The following COL14A1 variants were observed in gnomAD, a reference collection of about 807,000 sequenced individuals.
COL14A1 encodes collagen alpha-1(XIV) chain.
In COL14A1, 136 loss-of-function variants were observed where a neutral mutation model predicts 230.3. The observed-to-expected ratio is 0.59, with a 90% CI of 0.51 to 0.68. COL14A1 has a LOEUF of 0.68. Among genes scored for constraint, COL14A1 ranks in the 30% least tolerant of loss-of-function variants. COL14A1 has a pLI of 0.00. For synonymous variants in COL14A1, 792 were observed against 784.1 expected (o/e 1.01, Z -0.17); for missense variants, 1,976 against 2,215.8 (o/e 0.89, Z 2.17).
intron 1 of COL14A1, among the ~76,000 whole-genome samples, chr8:120,131,189 T>C (rs1213827157): frequency 2.0e-5 from 3 of 152,166 alleles, no homozygotes; most frequent in African/African-American, 7.2e-5. Flanking sequence ...TAGGAGTGCA[T>C]GTGTCTTTTT....
At chr8:120,129,538 A>C (rs1814459639) in intron 1 of COL14A1, among the ~76,000 whole-genome samples, 1 of 152,208 alleles carries the variant, frequency 6.6e-6, no homozygotes, top group Admixed American at 6.5e-5. Context: ...ATACTGATTG[A>C]GCAGCTGTAT....
At chr8:120,132,799 A>G (rs2130387431) in intron 1 of COL14A1, among the ~76,000 whole-genome samples, 1 of 152,336 alleles carries the variant, frequency 6.6e-6, no homozygotes, top group Admixed American at 6.5e-5. Flanking sequence ...TTATGAATAA[A>G]ACATTAGACA....
rs1323342273 is a variant in COL14A1 at position 120,203,690 on chromosome 8, T to C, written c.878-19T>C. 1 of 1,612,544 alleles carries C rather than the reference T, an allele frequency of 6.2e-7. No homozygotes were observed. The highest frequency in any genetic ancestry group is 8.5e-7 in the Non-Finnish European group (1 of 1,179,002). On this transcript the variant is annotated intron_variant, in intron 8 of 47. Transcript: ENST00000297848. ...GGGGGCATAAAAGTCACCATTCTCT[T>C]TTTTGTCCTCTGTGTAAGGGGTGAA...
chr8:120,141,925 G>C (rs1347918862), intron 1 of COL14A1, among the ~76,000 whole-genome samples: 1 of 152,068 alleles, frequency 6.6e-6, no homozygotes, highest in Non-Finnish European at 1.5e-5. Flanking sequence ...TAGAGTCAGA[G>C]TCTCACTGAG....
intron 9 of COL14A1, among the ~76,000 whole-genome samples, chr8:120,205,328 T>C (rs989265797): frequency 6.6e-6 from 1 of 152,166 alleles, no homozygotes; most frequent in African/African-American, 2.4e-5. Flanking sequence ...TGGGAGCTCC[T>C]GAGCCCTGTA....
intron 1 of COL14A1, among the ~76,000 whole-genome samples, chr8:120,126,207 G>A (rs1376844003): frequency 6.6e-6 from 1 of 152,348 alleles, no homozygotes; most frequent in East Asian, 1.9e-4. Flanking sequence ...GGGCTTCGGC[G>A]CATGGGGCCA....
chr8:120,309,598 G>T lies in COL14A1; in HGVS notation c.4402-411G>T, dbSNP rs16893867. Among the ~76,000 whole-genome samples, 586 of 152,156 alleles carry T rather than the reference G, an allele frequency of 3.9e-3. 3 individuals carry two copies. Among genetic ancestry groups the T allele is most frequent in the African/African-American group, 0.013 (534 of 41,512 alleles). On this transcript the variant is annotated intron_variant, in intron 36 of 47. Coordinates refer to ENST00000297848, the MANE Select transcript of COL14A1 (RefSeq NM_021110.4). Reference sequence around the variant, plus strand: ...TTGCTGTGTAAATAAAGAAAATCAGGTTGTTGCTACTTTCATGTGCTTTCT... The same window carrying T: ...TTGCTGTGTAAATAAAGAAAATCAGTTTGTTGCTACTTTCATGTGCTTTCT...
chr8:120,193,373 C>G (rs1471502060), intron 5 of COL14A1, among the ~76,000 whole-genome samples: 4 of 152,164 alleles, frequency 2.6e-5, no homozygotes, highest in African/African-American at 9.7e-5. Context: ...TTTTCGTGAT[C>G]CGCGAATGCT....
intron 26 of COL14A1, among the ~76,000 whole-genome samples, chr8:120,275,292 T>C (rs1283949216): frequency 6.6e-6 from 1 of 151,804 alleles, no homozygotes; most frequent in Non-Finnish European, 1.5e-5. Context: ...GATAGCCACA[T>C]GTAGAATGAA....
chr8:120,319,720 G>A lies in COL14A1; in HGVS notation c.4659+3723G>A, dbSNP rs80234309. 2.6e-3 allele frequency among the ~76,000 whole-genome samples: 390 copies of A among 152,314 alleles called. 1 individual carries two copies. Among genetic ancestry groups the A allele is most frequent in the African/African-American group, 8.8e-3 (364 of 41,574 alleles). ...CCAAGGGGAATCTTTGACTCTTAGA[G>A]GTAGCTTTTATTCAACTCTGGGCCT... On this transcript the variant is annotated intron_variant, in intron 40 of 47. Transcript: ENST00000297848.
intron 1 of COL14A1, among the ~76,000 whole-genome samples, chr8:120,130,902 G>A (rs1158771334): frequency 1.3e-5 from 2 of 151,944 alleles, no homozygotes; most frequent in Admixed American, 6.6e-5. Context: ...AGTCCCCACT[G>A]TCTGTTTTCT....
intron 40 of COL14A1, 139 bp from the exon 41 acceptor site, chr8:120,332,002 G>A: frequency 1.4e-6 from 1 of 699,950 alleles, no homozygotes; most frequent in Non-Finnish European, 2.5e-6. Flanking sequence ...TCCATGAAGA[G>A]TTTAAAGGCA....
At chr8:120,197,985 A>G (rs1817099529) in intron 7 of COL14A1, 55 bp downstream of exon 7, 2 of 1,565,004 alleles carry the variant, frequency 1.3e-6, no homozygotes, top group Non-Finnish European at 1.7e-6. Context: ...GAATAATTGT[A>G]TTACCTCATT....
chr8:120,309,700 T>C (rs1164930076), intron 36 of COL14A1, among the ~76,000 whole-genome samples: 1 of 152,220 alleles, frequency 6.6e-6, no homozygotes, highest in Non-Finnish European at 1.5e-5. Context: ...TAATTTTGAT[T>C]AACATTGTAT....
chr8:120,228,881 C>G (rs1363493685), intron 18 of COL14A1, 112 bp downstream of exon 18: 52 of 910,474 alleles, frequency 5.7e-5, no homozygotes, highest in South Asian at 3.1e-5. Flanking sequence ...CCCTCCCTTC[C>G]TTTTCTGGCA....
At position 120,336,285 on chromosome 8, in the gene COL14A1, CGG is replaced by C. The variant is rs1253480542; in HGVS notation, c.4785+3551_4785+3552del. 6.6e-5 allele frequency among the ~76,000 whole-genome samples: 10 copies of C among 152,072 alleles called. 1 individual carries two copies. The highest frequency in any genetic ancestry group is 2.4e-4 in the African/African-American group (10 of 41,410). Reference sequence around the variant, plus strand: ...CCCCTAAGCTGAGGGGTGGGAGTAGCGGCTTCAGGAGCATTTAGATGAGATCT... The same window carrying C: ...CCCCTAAGCTGAGGGGTGGGAGTAGCCTTCAGGAGCATTTAGATGAGATCT... On this transcript the variant is annotated intron_variant, in intron 42 of 47. Coordinates refer to ENST00000297848, the MANE Select transcript of COL14A1 (RefSeq NM_021110.4).
intron 37 of COL14A1, among the ~76,000 whole-genome samples, chr8:120,311,248 G>T (rs1280717659): frequency 6.6e-6 from 1 of 152,198 alleles, no homozygotes; most frequent in South Asian, 2.1e-4. Flanking sequence ...GTAGTTGGAG[G>T]CCTCTTCTCA....
At chr8:120,333,051 G>A (rs1307144251) in intron 42 of COL14A1, among the ~76,000 whole-genome samples, 8 of 152,210 alleles carry the variant, frequency 5.3e-5, no homozygotes, top group East Asian at 1.9e-4. Flanking sequence ...CAACAGCTAC[G>A]TGTTAATCAA....
At chr8:120,263,656 A>C (rs963166139) in intron 24 of COL14A1, among the ~76,000 whole-genome samples, 5 of 152,102 alleles carry the variant, frequency 3.3e-5, no homozygotes, top group African/African-American at 1.2e-4. Flanking sequence ...ATTCTGGGGG[A>C]CATTTGTGTG....
Sources: gnomAD v4.1 joint callset for allele counts (sites outside exome capture counted in the v4.1 genomes callset) on GRCh38, gnomAD v4.1.1 for gene constraint, MANE v1.5 for transcripts, NCBI Gene and HGNC (gene_info 2026-07-23, HGNC 2026-07-21) for gene names.